The following CADPS variants were observed in gnomAD, a reference collection of about 807,000 sequenced individuals.
CADPS encodes calcium-dependent secretion activator 1.
In CADPS, 57 loss-of-function variants were observed where a neutral mutation model predicts 167.3. The ratio of observed to expected loss-of-function variants is 0.34; its 90% confidence interval spans 0.28 to 0.42. CADPS has a LOEUF of 0.42. Ranked by LOEUF, CADPS falls within the 20% of genes least tolerant of loss-of-function variation. CADPS has a pLI of 1.00. For missense variants in CADPS, 1,414 were observed against 1,738.1 expected (o/e 0.81, Z 3.32); for synonymous variants, 676 against 635.3 (o/e 1.06, Z -0.96).
At chr3:62,763,317 T>C (rs146020226) in intron 2 of CADPS, among the ~76,000 whole-genome samples, 3,188 of 152,282 alleles carry the variant, frequency 0.021, 59 homozygotes, top group South Asian at 0.063. Flanking sequence ...CCTGGGGCTG[T>C]CAAGGTCTTC....
intron 26 of CADPS, among the ~76,000 whole-genome samples, chr3:62,449,739 TATATA>T (rs945435016): frequency 6.6e-6 from 1 of 152,182 alleles, no homozygotes; most frequent in Non-Finnish European, 1.5e-5. Context: ...TTAAAAGCAC[TATATA>T]ATATAGTAGC....
intron 21 of CADPS, among the ~76,000 whole-genome samples, chr3:62,486,019 C>A (rs1418888094): frequency 6.6e-6 from 1 of 152,158 alleles, no homozygotes; most frequent in Non-Finnish European, 1.5e-5. Context: ...AGGCCACCTG[C>A]ATATTGCTAA....
rs149339879 is a variant in CADPS at position 62,461,293 on chromosome 3, A to G, written c.3636+4074T>C. Among the ~76,000 whole-genome samples the G allele has an allele frequency of 2.6e-5, 4 of 152,344 alleles. No individual in the cohort carries two copies. The East Asian group carries it at 7.7e-4, about 29-fold the overall frequency. ...TTTTAGACTTCTGAATTCATCTAAT[A>G]TAACCATCATCATATTACACTGAAG... On this transcript the variant is annotated intron_variant, in intron 26 of 29. Coordinates refer to ENST00000383710, the MANE Select transcript of CADPS (RefSeq NM_003716.4).
chr3:62,439,408 A>G (rs1178845777), intron 27 of CADPS: 1 of 152,220 alleles, frequency 6.6e-6, no homozygotes, highest in Non-Finnish European at 1.5e-5. Context: ...CACCTGCTGA[A>G]ACAATGACAA....
Position 62,874,522 on chromosome 3 carries a change from C to A in CADPS, c.441+67G>T, listed in dbSNP as rs915955497. ...TCCTCGCCAGCTGCGCCGCCAGCTC[C>A]CATTGTTCACCCCGCCCGCCTGGCG... On this transcript the variant is annotated intron_variant, in intron 1 of 29. Transcript: ENST00000383710. This position sits in a 1 kb window ranked among gnomAD's most constrained non-coding sequence, Gnocchi z 7.1. 7.9e-7 allele frequency: 1 copy of A among 1,263,206 alleles called. No individual in the cohort carries two copies. Among genetic ancestry groups the A allele is most frequent in the Non-Finnish European group, 1.1e-6 (1 of 897,708 alleles). 78.2% of individuals were successfully genotyped at this position (1,263,206 alleles called of 1,614,324 possible). A position where few individuals can be genotyped will look rare whatever the true frequency, so the allele number is the denominator to read the frequency against.
At chr3:62,633,488 C>A (rs1424740277) in intron 6 of CADPS, among the ~76,000 whole-genome samples, 1 of 152,146 alleles carries the variant, frequency 6.6e-6, no homozygotes, top group African/African-American at 2.4e-5. Context: ...TGTCTTCTCT[C>A]TTCCCTCTCC....
chr3:62,604,603 T>C (rs1426079929), intron 6 of CADPS, among the ~76,000 whole-genome samples: 1 of 152,228 alleles, frequency 6.6e-6, no homozygotes, highest in Non-Finnish European at 1.5e-5. Flanking sequence ...AGTGAGGAAC[T>C]GTCAAAGGCT....
intron 3 of CADPS, among the ~76,000 whole-genome samples, chr3:62,737,513 A>C (rs1173069081): frequency 6.6e-6 from 1 of 151,898 alleles, no homozygotes; most frequent in Non-Finnish European, 1.5e-5. Context: ...TAAACAGAAG[A>C]GTCATATCAA....
intron 21 of CADPS, among the ~76,000 whole-genome samples, chr3:62,489,184 G>A (rs892295139): frequency 2.0e-5 from 3 of 150,570 alleles, no homozygotes; most frequent in East Asian, 2.0e-4. Flanking sequence ...TTTTTGAGAC[G>A]GCATCTCGGT....
chr3:62,516,687 T>C, intron 14 of CADPS, 44 bp from the exon 15 acceptor site: 1 of 1,415,494 alleles, frequency 7.1e-7, no homozygotes, highest in Non-Finnish European at 9.9e-7. Flanking sequence ...TTATTACATT[T>C]TAGCATGAAA....
chr3:62,729,102 T>A (rs1257555044), intron 3 of CADPS, among the ~76,000 whole-genome samples: 2 of 151,972 alleles, frequency 1.3e-5, no homozygotes, highest in Non-Finnish European at 2.9e-5. Flanking sequence ...AGCATCTGGA[T>A]CTACTTCAAG....
intron 1 of CADPS, among the ~76,000 whole-genome samples, chr3:62,811,401 C>A (rs1017422447): frequency 2.0e-5 from 3 of 152,138 alleles, no homozygotes; most frequent in African/African-American, 4.8e-5. Context: ...CAGAAGCACA[C>A]ACCATCCACA....
chr3:62,715,526 T>C (rs9879877), intron 3 of CADPS, among the ~76,000 whole-genome samples: 3 of 150,202 alleles, frequency 2.0e-5, no homozygotes, highest in Non-Finnish European at 4.4e-5. Flanking sequence ...TTAGAAAACA[T>C]TGCCACATAT....
chr3:62,463,466 T>C (rs1300602811), intron 26 of CADPS, among the ~76,000 whole-genome samples: 3 of 152,358 alleles, frequency 2.0e-5, no homozygotes, highest in Admixed American at 2.0e-4. Context: ...AGGACTTCAC[T>C]GAGGAATGAA....
intron 6 of CADPS, among the ~76,000 whole-genome samples, chr3:62,594,919 A>G (rs2058705551): frequency 6.6e-6 from 1 of 152,196 alleles, no homozygotes; most frequent in African/African-American, 2.4e-5. Context: ...TGTTCTGAGT[A>G]TCACTATTCA....
At chr3:62,424,818 T>C (rs2149483349) in intron 28 of CADPS, among the ~76,000 whole-genome samples, 1 of 152,352 alleles carries the variant, frequency 6.6e-6, no homozygotes, top group South Asian at 2.1e-4. Flanking sequence ...AAGGACTTAA[T>C]TCATGTTTTT....
At chr3:62,429,973 T>A (rs1039915600) in intron 28 of CADPS, among the ~76,000 whole-genome samples, 1 of 152,214 alleles carries the variant, frequency 6.6e-6, no homozygotes, top group Non-Finnish European at 1.5e-5. Flanking sequence ...TATGTAAGGT[T>A]TGCCTGAAGG....
chr3:62,779,484 T>C, intron 1 of CADPS: 1 of 540,006 alleles, frequency 1.9e-6, no homozygotes, highest in Non-Finnish European at 3.8e-6. Context: ...ATCTGCCATC[T>C]TGGCTTTCCC....
chr3:62,869,907 T>C (rs2153221890), intron 1 of CADPS, among the ~76,000 whole-genome samples: 1 of 152,322 alleles, frequency 6.6e-6, no homozygotes, highest in East Asian at 1.9e-4. Flanking sequence ...TTATTAAATT[T>C]GCTTTTGCAG....
Sources: allele counts gnomAD v4.1 joint callset (sites outside exome capture counted in the v4.1 genomes callset), GRCh38; gene constraint gnomAD v4.1.1; non-coding constraint Gnocchi (gnomAD v3.1); transcripts MANE v1.5; gene names NCBI Gene and HGNC (gene_info 2026-07-23, HGNC 2026-07-21).